TRPM8: variants seen among roughly 807,000 people sequenced by gnomAD.
TRPM8 encodes the protein TRPM8 cationic channel.
TRPM8 carries 110 observed loss-of-function variants against 133.7 expected under a neutral mutation model. The ratio of observed to expected loss-of-function variants is 0.82; its 90% CI spans 0.70 to 0.96. The LOEUF (loss-of-function observed/expected upper bound fraction) is 0.96. Ranked by LOEUF, TRPM8 falls within the 40% of genes least tolerant of loss-of-function variation. The pLI, the probability that TRPM8 is intolerant of heterozygous loss-of-function variation, is 0.00. For missense variants in TRPM8, 1,291 were observed against 1,379.5 expected (o/e 0.94, Z 1.02); for synonymous variants, 535 against 532.3 (o/e 1.01, Z -0.07).
chr2:233,965,062 G>A (rs906807712), intron 14 of TRPM8, among the ~76,000 whole-genome samples: 2 of 147,474 alleles, frequency 1.4e-5, no homozygotes, highest in African/African-American at 4.9e-5. Context: ...GTGGGGGGGG[G>A]GGGTGTTTCT....
chr2:233,966,832 A>C (rs764823713), intron 15 of TRPM8, 77 bp downstream of exon 15: 31 of 1,425,918 alleles, frequency 2.2e-5, no homozygotes, highest in Non-Finnish European at 2.9e-5. Flanking sequence ...AGCATTAAAC[A>C]ATAGTAAAAA....
rs372096194 is a variant in TRPM8, at chr2:233,937,319, C to T, written c.192-34C>T. Reference sequence around the variant, plus strand: ...TTTCCATAAGCAGGCTCAATGAAATCCTTCCTTCCTGTCCACACCATCGTG... The same window carrying T: ...TTTCCATAAGCAGGCTCAATGAAATTCTTCCTTCCTGTCCACACCATCGTG... On this transcript the variant is annotated intron_variant, in intron 3 of 25. Coordinates refer to ENST00000324695, the MANE Select transcript of TRPM8 (RefSeq NM_024080.5). The T allele has an allele frequency of 9.3e-6, 15 of 1,609,004 alleles. No homozygotes were observed. The African/African-American group carries it at 2.0e-4, about 22-fold the overall frequency.
At chr2:233,938,967 T>C (rs201096421) in intron 4 of TRPM8, 31 bp from the exon 5 acceptor site, 26 of 1,612,514 alleles carry the variant, frequency 1.6e-5, no homozygotes, top group Non-Finnish European at 2.1e-5. Context: ...AACACAGGCC[T>C]ATCCTGATAC....
chr2:233,983,007 A>G, intron 19 of TRPM8, 46 bp from the exon 20 acceptor site: 1 of 1,581,754 alleles, frequency 6.3e-7, no homozygotes, highest in South Asian at 1.2e-5. Context: ...GGACTTGCCA[A>G]CTGTGGGCAC....
intron 21 of TRPM8, among the ~76,000 whole-genome samples, chr2:233,987,823 T>C (rs1377112394): frequency 6.6e-6 from 1 of 152,202 alleles, no homozygotes; most frequent in Non-Finnish European, 1.5e-5. Context: ...TCACGAGATT[T>C]GATGGTTTTA....
At chr2:233,990,818 G>A (rs1202618632) in intron 21 of TRPM8, among the ~76,000 whole-genome samples, 1 of 152,170 alleles carries the variant, frequency 6.6e-6, no homozygotes, top group Non-Finnish European at 1.5e-5. Context: ...CCTGCCTCAG[G>A]TGCAGCCTTA....
intron 9 of TRPM8, among the ~76,000 whole-genome samples, chr2:233,950,688 G>A (rs1303672175): frequency 3.3e-5 from 5 of 152,244 alleles, no homozygotes; most frequent in African/African-American, 1.2e-4. Context: ...AAAGCCCAGT[G>A]AGAGGAGAAG....
At chr2:234,007,712 A>C (rs1288512723) in intron 23 of TRPM8, among the ~76,000 whole-genome samples, 1 of 152,214 alleles carries the variant, frequency 6.6e-6, no homozygotes, top group Non-Finnish European at 1.5e-5. Context: ...CTGTTGAAAG[A>C]AGCATGGGAT....
At chr2:233,956,626 G>A (rs1691300498) in intron 11 of TRPM8, among the ~76,000 whole-genome samples, 1 of 152,036 alleles carries the variant, frequency 6.6e-6, no homozygotes, top group African/African-American at 2.4e-5. Flanking sequence ...TGGCAGACAG[G>A]GTCAGAAAAC....
In TRPM8 at chr2:233,926,485, C is replaced by G. The variant is rs1574687609; in HGVS notation, c.-5-48C>G. On this transcript the variant is annotated intron_variant, in intron 1 of 25. Transcript: ENST00000324695. The stretch of plus-strand genomic sequence containing the variant: ...TTGGGGTGAAGCTTTGAAGGAAGCC[C>G]TGTTACTGTTTGTAACCCAAACTTA... 5.0e-6 allele frequency: 7 copies of G among 1,401,794 alleles called. No homozygotes were observed. The East Asian group carries it at 1.6e-4, about 32-fold the overall frequency. The allele number at this position is 1,401,794 out of a possible 1,614,324, so 86.8% of individuals were successfully genotyped here. A position where few individuals can be genotyped will look rare whatever the true frequency, so the allele number is the denominator to read the frequency against.
At chr2:233,932,058 T>C (rs1691690193) in intron 3 of TRPM8, among the ~76,000 whole-genome samples, 1 of 152,238 alleles carries the variant, frequency 6.6e-6, no homozygotes, top group Non-Finnish European at 1.5e-5. Context: ...AGAATGGCGT[T>C]GCTTTGGGCA....
chr2:233,991,790 C>T (rs1470300825), intron 21 of TRPM8, among the ~76,000 whole-genome samples: 1 of 151,784 alleles, frequency 6.6e-6, no homozygotes, highest in Non-Finnish European at 1.5e-5. Context: ...TACAAGTTTC[C>T]CTCATTATTC....
intron 1 of TRPM8, among the ~76,000 whole-genome samples, chr2:233,919,324 C>T (rs985243304): frequency 6.6e-6 from 1 of 152,174 alleles, no homozygotes; most frequent in African/African-American, 2.4e-5. Flanking sequence ...CCTCTCCCCT[C>T]AGCAAACAAC....
chr2:233,923,048 T>G (rs1390111297), intron 1 of TRPM8, among the ~76,000 whole-genome samples: 2 of 151,964 alleles, frequency 1.3e-5, no homozygotes, highest in African/African-American at 4.8e-5. Flanking sequence ...TTTTTGTTGT[T>G]GTTGTTAGAG....
chr2:233,946,532 A>T (rs547564064), intron 7 of TRPM8, among the ~76,000 whole-genome samples: 2 of 152,336 alleles, frequency 1.3e-5, no homozygotes, highest in South Asian at 4.1e-4. Context: ...TGGTTGAGTG[A>T]CATGTACTCT....
intron 1 of TRPM8, among the ~76,000 whole-genome samples, chr2:233,919,652 T>C (rs554883733): frequency 6.6e-6 from 1 of 151,816 alleles, no homozygotes; most frequent in East Asian, 2.0e-4. Context: ...TTTACATGGA[T>C]CCATCTTGCC....
At position 233,942,690 on chromosome 2, in the gene TRPM8, T is replaced by C. The variant is rs747220018; in HGVS notation, c.641T>C (p.Ile214Thr). The C allele has an allele frequency of 1.2e-6, 2 of 1,614,182 alleles. No homozygotes were observed. Among genetic ancestry groups the C allele is most frequent in the Non-Finnish European group, 1.7e-6 (2 of 1,180,026 alleles). ...GAGGAGAATATTGTGGCCATTGGCA[T>C]AGCAGCTTGGGGCATGGTCTCCAAC... is the stretch of plus-strand genomic sequence containing the variant. Reference protein sequence around the residue: ...SSEENIVAIGIAAWGMVSNRD... With the variant: ...SSEENIVAIGTAAWGMVSNRD... The change falls in exon 6 of 26, where the codon ATA (isoleucine) becomes ACA (threonine). Residue 214 changes from isoleucine (I) to threonine (T), a missense_variant. Physicochemically the swap from Ile to Thr is moderately conservative, Grantham distance 89 (BLOSUM62 -1). Coordinates refer to ENST00000324695, the MANE Select transcript of TRPM8 (RefSeq NM_024080.5).
intron 21 of TRPM8, 51 bp from the exon 22 acceptor site, chr2:233,996,275 C>T (rs376208390): frequency 8.1e-5 from 125 of 1,545,098 alleles, no homozygotes; most frequent in Non-Finnish European, 9.3e-5. Flanking sequence ...GGCAGTTTAG[C>T]GATGAGGCAT....
chr2:233,923,194 A>T (rs537951516), intron 1 of TRPM8, among the ~76,000 whole-genome samples: 2 of 152,182 alleles, frequency 1.3e-5, no homozygotes, highest in Admixed American at 6.5e-5. Context: ...CTTATACTTA[A>T]ATGATTTCAT....
Sources: gnomAD v4.1 joint callset for allele counts (sites outside exome capture counted in the v4.1 genomes callset) on GRCh38, gnomAD v4.1.1 for gene constraint, MANE v1.5 for transcripts, NCBI Gene and HGNC (gene_info 2026-07-23, HGNC 2026-07-21) for gene names.